PYY: variants seen among roughly 807,000 people sequenced by gnomAD.
PYY encodes the protein peptide YY.
A neutral mutation model predicts 10.3 loss-of-function variants in PYY; 12 were observed. The ratio of observed to expected loss-of-function variants is 1.17; its 90% CI spans 0.75 to 1.89. The LOEUF (loss-of-function observed/expected upper bound fraction) is 1.89, where lower values mean the gene tolerates loss of function less well. Among genes scored for constraint, PYY ranks in the 40% most tolerant of loss-of-function variants. PYY has a pLI of 0.00. For missense variants in PYY, 141 were observed against 134.0 expected (o/e 1.05, Z -0.26); for synonymous variants, 66 against 62.0 (o/e 1.06, Z -0.30).
At chr17:43,990,522 A>C (rs2048950010) in intron 1 of PYY, among the ~76,000 whole-genome samples, 1 of 152,018 alleles carries the variant, frequency 6.6e-6, no homozygotes, top group Non-Finnish European at 1.5e-5. Flanking sequence ...TCTAACCCAG[A>C]AATTCAGCTT....
chr17:43,988,798 T>C (rs1315689588), intron 1 of PYY, among the ~76,000 whole-genome samples: 3 of 149,300 alleles, frequency 2.0e-5, no homozygotes, highest in African/African-American at 7.4e-5. Flanking sequence ...AGTATCACTC[T>C]GTCACCCAGG....
At chr17:43,966,311 A>T (rs140506432) in exon 2 of PYY, 1 of 153,338 alleles carries the variant, frequency 6.5e-6, no homozygotes, top group Non-Finnish European at 1.5e-5. Flanking sequence ...TGTTATCTGA[A>T]TTCCCAAATC....
At chr17:43,974,863 G>C (rs560568968) in intron 1 of PYY, among the ~76,000 whole-genome samples, 2 of 152,180 alleles carry the variant, frequency 1.3e-5, no homozygotes, top group African/African-American at 4.8e-5. Flanking sequence ...TTTTTCTACA[G>C]CAGACATATA....
chr17:43,958,157 A>AAAAAAAAAAAAAAAAAAAAAAAT (rs2048688153), upstream of PYY: 1 of 150,348 alleles, frequency 6.7e-6, no homozygotes, highest in African/African-American at 2.4e-5. Flanking sequence ...AAAAAAAAAA[A>AAAAAAAAAAAAAAAAAAAAAAAT]GAATGGGCAT....
At chr17:43,953,012 G>A (rs1443885610) in intron 3 of PYY, 32 bp from the exon 4 acceptor site, 2 of 1,583,980 alleles carry the variant, frequency 1.3e-6, no homozygotes, top group African/African-American at 1.4e-5. Context: ...AATTGGATCT[G>A]GGGAGGCGAG....
At chr17:44,001,835 A>G (rs772627734) in intron 1 of PYY, among the ~76,000 whole-genome samples, 4 of 152,198 alleles carry the variant, frequency 2.6e-5, no homozygotes, top group Non-Finnish European at 4.4e-5. Context: ...AGAGACAAGA[A>G]GGAATTCTGA....
chr17:43,955,336 GT>G (rs1425660876), upstream of PYY, among the ~76,000 whole-genome samples: 1 of 152,210 alleles, frequency 6.6e-6, no homozygotes, highest in East Asian at 1.9e-4. Context: ...CAGGCCCTTG[GT>G]TCTGAGCCAG....
chr17:43,967,513 G>C (rs1872935392), intron 1 of PYY, among the ~76,000 whole-genome samples: 1 of 152,268 alleles, frequency 6.6e-6, no homozygotes, highest in African/African-American at 2.4e-5. Flanking sequence ...GACTGGGTTG[G>C]CCACTGACTA....
chr17:43,975,153 C>A (rs2048820371), intron 1 of PYY, among the ~76,000 whole-genome samples: 1 of 152,180 alleles, frequency 6.6e-6, no homozygotes, highest in Non-Finnish European at 1.5e-5. Context: ...TATCCCCGAC[C>A]AAATAATTCC....
chr17:43,958,067 G>A (rs537945854), upstream of PYY: 7 of 137,534 alleles, frequency 5.1e-5, no homozygotes, highest in African/African-American at 1.9e-4. Flanking sequence ...AGGCTTTGTG[G>A]TCCATAGAGT....
At chr17:43,962,308 C>T (rs981953945) in intron 2 of PYY, among the ~76,000 whole-genome samples, 17 of 152,138 alleles carry the variant, frequency 1.1e-4, no homozygotes, top group Admixed American at 3.9e-4. Flanking sequence ...AAAAATGAGC[C>T]ATTTTCCAGC....
intron 1 of PYY, among the ~76,000 whole-genome samples, chr17:43,973,494 T>C (rs2048808924): frequency 6.6e-6 from 1 of 152,178 alleles, no homozygotes; most frequent in Admixed American, 6.5e-5. Flanking sequence ...TCTATTCCTA[T>C]ACGTTACTGA....
chr17:43,953,148 G>T lies in PYY; in HGVS notation c.230C>A (p.Thr77Lys), dbSNP rs1375304889. 2 of 1,613,942 alleles carry T rather than the reference G, an allele frequency of 1.2e-6. No individual in the cohort carries two copies. The highest frequency in any genetic ancestry group is 3.3e-5 in the Admixed American group (2 of 60,016). Residue 77 changes from threonine to lysine, a missense_variant, in exon 3 of 4, where the codon ACG becomes AAG. Physicochemically the swap from Thr to Lys is moderately conservative, Grantham distance 78. Transcript: ENST00000692052. ...GCGGTCCTCGCCGTCGGGGAAGAAC[G>T]TTTTGGAAAGAAGCGTGTCCGGGCC... ...RDGPDTLLSK[T>K]FFPDGEDRPV...
At chr17:43,976,596 ACCCC>A (rs1448457300) in intron 1 of PYY, among the ~76,000 whole-genome samples, 2 of 151,988 alleles carry the variant, frequency 1.3e-5, no homozygotes, top group Non-Finnish European at 2.9e-5. Flanking sequence ...ACATGGTGAA[ACCCC>A]ATCTCTACTA....
chr17:43,990,708 A>G (rs1204149349), intron 1 of PYY, among the ~76,000 whole-genome samples: 1 of 152,052 alleles, frequency 6.6e-6, no homozygotes, highest in Non-Finnish European at 1.5e-5. Context: ...ATATAAAATT[A>G]TGAAACATTC....
intron 1 of PYY, among the ~76,000 whole-genome samples, chr17:43,991,030 G>A (rs944940750): frequency 2.6e-5 from 4 of 151,458 alleles, no homozygotes; most frequent in Non-Finnish European, 5.9e-5. Context: ...TGATCCGCCC[G>A]CCTCGGCCTC....
chr17:43,961,172 G>A (rs2048709897), intron 2 of PYY, among the ~76,000 whole-genome samples: 1 of 151,798 alleles, frequency 6.6e-6, no homozygotes, highest in Non-Finnish European at 1.5e-5. Flanking sequence ...GCTGCAGTGA[G>A]TTGTGATTGC....
chr17:43,984,089 A>AT (rs749749146), intron 1 of PYY, among the ~76,000 whole-genome samples: 8 of 152,160 alleles, frequency 5.3e-5, no homozygotes, highest in Admixed American at 2.0e-4. Context: ...GCCATCGCTG[A>AT]TAAGAAACCG....
intron 1 of PYY, among the ~76,000 whole-genome samples, chr17:43,978,197 AGAAAG>A (rs1231460778): frequency 1.3e-5 from 2 of 151,668 alleles, no homozygotes; most frequent in African/African-American, 2.4e-5. Flanking sequence ...GAAAGAAAGA[AGAAAG>A]GAAAGAAGGA....
Sources: gnomAD v4.1 joint callset for allele counts (sites outside exome capture counted in the v4.1 genomes callset) on GRCh38, gnomAD v4.1.1 for gene constraint, MANE v1.5 for transcripts, NCBI Gene and HGNC (gene_info 2026-07-23, HGNC 2026-07-21) for gene names.